Variants in GIGYF2 observed in about 807,000 individuals in gnomAD.
GIGYF2 encodes GRB10-interacting GYF protein 2.
A neutral mutation model predicts 208.1 loss-of-function variants in GIGYF2; 25 were observed. That is an observed-to-expected ratio of 0.12 (90% CI 0.09 to 0.17). The LOEUF (loss-of-function observed/expected upper bound fraction) is 0.17, where lower values mean the gene tolerates loss of function less well. Ranked by LOEUF, GIGYF2 falls within the 10% of genes least tolerant of loss-of-function variation. The pLI, the probability that GIGYF2 is intolerant of heterozygous loss-of-function variation, is 1.00. For synonymous variants in GIGYF2, 534 were observed against 543.8 expected (o/e 0.98, Z 0.25); for missense variants, 1,302 against 1,579.4 (o/e 0.82, Z 2.98).
At chr2:232,756,465 A>T (rs1698546146) in intron 6 of GIGYF2, 131 bp downstream of exon 6, 1 of 561,422 alleles carries the variant, frequency 1.8e-6, no homozygotes. Flanking sequence ...AATGTCCTGA[A>T]TATTTATATT....
intron 22 of GIGYF2, among the ~76,000 whole-genome samples, chr2:232,835,010 T>C (rs1701539852): frequency 6.6e-6 from 1 of 152,206 alleles, no homozygotes; most frequent in African/African-American, 2.4e-5. Context: ...TTCTCCCAGC[T>C]TTGGGGGTCT....
At chr2:232,772,030 G>A (rs757983229) in intron 8 of GIGYF2, among the ~76,000 whole-genome samples, 1 of 152,114 alleles carries the variant, frequency 6.6e-6, no homozygotes, top group African/African-American at 2.4e-5. Context: ...TGTCTCCTAG[G>A]CTGGAGTGCA....
intron 22 of GIGYF2, among the ~76,000 whole-genome samples, chr2:232,833,983 C>T (rs1304472947): frequency 1.3e-5 from 2 of 151,550 alleles, no homozygotes; most frequent in East Asian, 3.9e-4. Flanking sequence ...CAGGAGGGAG[C>T]TGGCCTGATA....
rs1407735488 is a variant in GIGYF2 at position 232,856,872 on chromosome 2, T to C, written c.*12T>C. 3 of 1,591,058 alleles carry C rather than the reference T, an allele frequency of 1.9e-6. No homozygotes were observed. The Admixed American group carries it at 5.0e-5, about 27-fold the overall frequency. ...TGGATGACTACTGAGCACCTGCCAG[T>C]GGACTGGCCATCCCTCTCCTGTCTG... On this transcript the variant is annotated 3_prime_UTR_variant, in exon 29 of 29. Coordinates refer to ENST00000373563, the MANE Select transcript of GIGYF2 (RefSeq NM_001103146.3).
chr2:232,760,013 T>G (rs1698686060), intron 6 of GIGYF2: 2 of 167,362 alleles, frequency 1.2e-5, no homozygotes, highest in South Asian at 2.9e-4. Flanking sequence ...TTGATGCTAT[T>G]AAGTTATCCT....
intron 2 of GIGYF2, among the ~76,000 whole-genome samples, chr2:232,717,268 C>G (rs1227208940): frequency 6.6e-6 from 1 of 152,136 alleles, no homozygotes; most frequent in African/African-American, 2.4e-5. Context: ...GCTATGGGCA[C>G]AGCCCTGCAC....
chr2:232,733,880 A>G (rs1451866148), intron 2 of GIGYF2, among the ~76,000 whole-genome samples: 3 of 152,210 alleles, frequency 2.0e-5, no homozygotes, highest in Non-Finnish European at 2.9e-5. Context: ...TACAGACGCA[A>G]TTAAAAAATT....
chr2:232,828,977 G>T (rs1450102529), intron 21 of GIGYF2, among the ~76,000 whole-genome samples: 1 of 152,030 alleles, frequency 6.6e-6, no homozygotes, highest in Non-Finnish European at 1.5e-5. Context: ...ATTAGGTCAG[G>T]GTGGTTGGTA....
At chr2:232,808,439 C>T (rs768194206) in intron 15 of GIGYF2, among the ~76,000 whole-genome samples, 1 of 152,184 alleles carries the variant, frequency 6.6e-6, no homozygotes, top group Non-Finnish European at 1.5e-5. Flanking sequence ...GCCCTGCTTC[C>T]TGTCTGTCAT....
chr2:232,736,604 T>G (rs1273614118), intron 3 of GIGYF2: 1 of 152,218 alleles, frequency 6.6e-6, no homozygotes, highest in East Asian at 1.9e-4. Flanking sequence ...ATGTGACATA[T>G]AGAAGCTGTT....
intron 2 of GIGYF2, among the ~76,000 whole-genome samples, chr2:232,730,726 G>A (rs1238530697): frequency 1.3e-5 from 2 of 148,734 alleles, no homozygotes; most frequent in Non-Finnish European, 3.0e-5. Flanking sequence ...GTGAAACCCC[G>A]TCTCTACTAA....
In GIGYF2 at chr2:232,747,747, A is replaced by G; in HGVS notation, c.171+3A>G. ...CACTTTTCCTTAAAGACAACAAGGT[A>G]AGAAAGTAGGAAAAGAGTTCAAAAT... On this transcript the variant is annotated splice_donor_region_variant and intron_variant, in intron 4 of 28. Transcript: ENST00000373563. The G allele has an allele frequency of 1.2e-6, 2 of 1,613,230 alleles. No individual in the cohort carries two copies. The highest frequency in any genetic ancestry group is 1.7e-6 in the Non-Finnish European group (2 of 1,179,464).
intron 2 of GIGYF2, among the ~76,000 whole-genome samples, chr2:232,732,142 A>G (rs918141884): frequency 6.6e-6 from 1 of 152,090 alleles, no homozygotes; most frequent in Admixed American, 6.6e-5. Flanking sequence ...ATTCTCTATT[A>G]CTCTGTCATC....
At chr2:232,780,844 T>G (rs1175508183) in intron 8 of GIGYF2, among the ~76,000 whole-genome samples, 1 of 152,220 alleles carries the variant, frequency 6.6e-6, no homozygotes, top group Non-Finnish European at 1.5e-5. Context: ...TCTCACTCAT[T>G]TTAGTCTCCG....
intron 18 of GIGYF2, among the ~76,000 whole-genome samples, chr2:232,814,742 A>G (rs1176881065): frequency 6.6e-6 from 1 of 152,186 alleles, no homozygotes; most frequent in Non-Finnish European, 1.5e-5. Flanking sequence ...ATTTTGGATA[A>G]TGGATCCACA....
rs762432264 is a variant in GIGYF2, at chr2:232,768,209, T to G, written c.532+6773T>G. On this transcript the variant is annotated intron_variant, in intron 8 of 28. Transcript: ENST00000373563. ...ATAAGTCTTATTCTGTCAGTCCTGT[T>G]TCAGAGATCTGAAAATTGTCAATGC... 4 of 1,614,146 alleles carry G rather than the reference T, an allele frequency of 2.5e-6. No individual in the cohort carries two copies. The South Asian group carries it at 4.4e-5, about 18-fold the overall frequency.
In GIGYF2 at chr2:232,753,847, T is replaced by C. The variant is rs1279580041; in HGVS notation, c.268-2376T>C. ...GGTTGACCATAGGACATTGCAGTTT[T>C]TGTTATCACATGATTCTGCCTAAGA... On this transcript the variant is annotated intron_variant, in intron 5 of 28. Coordinates refer to ENST00000373563, the MANE Select transcript of GIGYF2 (RefSeq NM_001103146.3). 3.3e-5 allele frequency among the ~76,000 whole-genome samples: 5 copies of C among 152,096 alleles called. No homozygotes were observed. In the East Asian group the frequency reaches 9.6e-4, roughly 29 times the overall value.
intron 7 of GIGYF2, among the ~76,000 whole-genome samples, chr2:232,760,876 TA>T (rs1304739155): frequency 2.0e-5 from 3 of 151,602 alleles, no homozygotes; most frequent in Non-Finnish European, 4.4e-5. Context: ...TTGGTATTAG[TA>T]AAAGTATCTT....
At chr2:232,798,444 G>T (rs1700291053) in intron 14 of GIGYF2, among the ~76,000 whole-genome samples, 1 of 152,216 alleles carries the variant, frequency 6.6e-6, no homozygotes. Flanking sequence ...CATTTGCTGA[G>T]TTGTATGGTA....
Sources: allele counts gnomAD v4.1 joint callset (sites outside exome capture counted in the v4.1 genomes callset), GRCh38; gene constraint gnomAD v4.1.1; transcripts MANE v1.5; gene names NCBI Gene and HGNC (gene_info 2026-07-23, HGNC 2026-07-21).